The following SNTG1 variants were observed in gnomAD, a reference collection of about 807,000 sequenced individuals.
SNTG1 encodes syntrophin gamma 1, also known as gamma-1-syntrophin.
In SNTG1, 39 loss-of-function variants were observed where a neutral mutation model predicts 74.7. That is an observed-to-expected ratio of 0.52 (90% confidence interval 0.40 to 0.68). The LOEUF (loss-of-function observed/expected upper bound fraction) is 0.68. Ranked by LOEUF, SNTG1 falls within the 30% of genes least tolerant of loss-of-function variation. The probability of loss-of-function intolerance (pLI) is 0.00; values close to 1 mark genes in which losing one functional copy is unlikely to be tolerated. For synonymous variants in SNTG1, 254 were observed against 217.1 expected (o/e 1.17, Z -1.49); for missense variants, 685 against 609.5 (o/e 1.12, Z -1.30).
intron 4 of SNTG1, among the ~76,000 whole-genome samples, chr8:50,422,277 A>ATCTATCTATCTATCTGTCTG (rs759085505): frequency 1.3e-5 from 2 of 151,574 alleles, no homozygotes; most frequent in African/African-American, 4.9e-5. Context: ...TCTACTATCT[A>ATCTATCTATCTATCTGTCTG]TCTATCTATG....
intron 1 of SNTG1, among the ~76,000 whole-genome samples, chr8:49,954,561 C>T (rs1809995513): frequency 6.6e-6 from 1 of 152,102 alleles, no homozygotes. Context: ...CAGTTTCTTT[C>T]AGTCTTTAAT....
At chr8:50,162,862 T>G (rs527703643) in intron 1 of SNTG1, among the ~76,000 whole-genome samples, 1 of 152,224 alleles carries the variant, frequency 6.6e-6, no homozygotes, top group East Asian at 1.9e-4. Flanking sequence ...CAGAGCATGA[T>G]CCTCTTACTG....
At chr8:50,068,685 T>C (rs914568945) in intron 1 of SNTG1, among the ~76,000 whole-genome samples, 2 of 152,130 alleles carry the variant, frequency 1.3e-5, no homozygotes, top group Non-Finnish European at 2.9e-5. Flanking sequence ...AGGATTCTTT[T>C]TCTTTCTTTC....
intron 3 of SNTG1, 145 bp downstream of exon 3, chr8:50,394,410 T>C (rs2092702028): frequency 2.7e-6 from 2 of 734,108 alleles, no homozygotes; most frequent in Admixed American, 3.1e-5. Context: ...GATTACGTTC[T>C]CCTTCTGCAA....
At chr8:50,783,594 A>T (rs980729219) in intron 18 of SNTG1, among the ~76,000 whole-genome samples, 2 of 151,906 alleles carry the variant, frequency 1.3e-5, no homozygotes, top group Non-Finnish European at 2.9e-5. Flanking sequence ...TCCAGGTGCC[A>T]TCTGTCACCC....
intron 2 of SNTG1, among the ~76,000 whole-genome samples, chr8:50,232,276 C>A (rs2132071527): frequency 6.6e-6 from 1 of 151,424 alleles, no homozygotes. Context: ...TTATTCCAGG[C>A]AAGCAGGCTG....
intron 8 of SNTG1, among the ~76,000 whole-genome samples, chr8:50,491,900 C>G (rs1265777465): frequency 1.3e-5 from 2 of 151,128 alleles, no homozygotes; most frequent in South Asian, 4.2e-4. Flanking sequence ...CCCTACCACC[C>G]GCAGGCCCCA....
chr8:50,109,032 G>A (rs1450956519), intron 1 of SNTG1, among the ~76,000 whole-genome samples: 2 of 152,072 alleles, frequency 1.3e-5, no homozygotes, highest in East Asian at 1.9e-4. Flanking sequence ...GAATATAAAG[G>A]GACTCTACTC....
intron 1 of SNTG1, among the ~76,000 whole-genome samples, chr8:50,107,513 A>G (rs1239468180): frequency 6.6e-6 from 1 of 152,092 alleles, no homozygotes; most frequent in East Asian, 1.9e-4. Flanking sequence ...TATCTCAAAC[A>G]TTATTTTAAA....
intron 4 of SNTG1, among the ~76,000 whole-genome samples, chr8:50,431,087 G>A (rs1040759608): frequency 2.0e-5 from 3 of 152,100 alleles, no homozygotes; most frequent in Non-Finnish European, 4.4e-5. Flanking sequence ...ACATACATTC[G>A]TAATGTAGTT....
chr8:50,611,657 C>T (rs1253333274), intron 13 of SNTG1, among the ~76,000 whole-genome samples: 1 of 152,152 alleles, frequency 6.6e-6, no homozygotes, highest in Admixed American at 6.6e-5. Flanking sequence ...TGTGGTGGTA[C>T]ATGCTTATAG....
chr8:50,440,077 C>G (rs76159481), intron 5 of SNTG1, among the ~76,000 whole-genome samples: 2,951 of 151,306 alleles, frequency 0.02, 138 homozygotes, highest in South Asian at 0.12. Context: ...TTATTTCAAT[C>G]CAATCAAAAC....
chr8:50,055,571 C>G (rs1819956029), intron 1 of SNTG1, among the ~76,000 whole-genome samples: 1 of 152,050 alleles, frequency 6.6e-6, no homozygotes, highest in Non-Finnish European at 1.5e-5. Flanking sequence ...ATTAACATCC[C>G]TGAATCTCAA....
chr8:50,325,077 T>G, intron 2 of SNTG1, among the ~76,000 whole-genome samples: 1 of 148,166 alleles, frequency 6.7e-6, no homozygotes, highest in African/African-American at 2.5e-5. Flanking sequence ...ACCAAATATA[T>G]GCATATATAC....
chr8:50,090,298 G>A (rs768447832), intron 1 of SNTG1, among the ~76,000 whole-genome samples: 1 of 152,160 alleles, frequency 6.6e-6, no homozygotes, highest in African/African-American at 2.4e-5. Context: ...AACCGAAGAG[G>A]TAAGGATAGA....
At chr8:50,283,905 T>A (rs1009825849) in intron 2 of SNTG1, among the ~76,000 whole-genome samples, 1 of 152,182 alleles carries the variant, frequency 6.6e-6, no homozygotes, top group Non-Finnish European at 1.5e-5. Flanking sequence ...CTGCACACAG[T>A]ATCGTTTATG....
chr8:50,566,723 T>C (rs912843446), intron 12 of SNTG1, among the ~76,000 whole-genome samples: 9 of 151,994 alleles, frequency 5.9e-5, no homozygotes, highest in Non-Finnish European at 8.8e-5. Context: ...TTTGTTTTGT[T>C]TTGTTTTTCA....
intron 9 of SNTG1, among the ~76,000 whole-genome samples, chr8:50,508,249 C>T (rs1019111827): frequency 2.2e-4 from 33 of 152,178 alleles, no homozygotes; most frequent in African/African-American, 8.0e-4. Flanking sequence ...AAGACATGAA[C>T]TCATCATTTT....
intron 13 of SNTG1, among the ~76,000 whole-genome samples, chr8:50,621,659 C>A (rs1384827): frequency 6.6e-6 from 1 of 152,086 alleles, no homozygotes; most frequent in South Asian, 2.1e-4. Flanking sequence ...AGCCAACAGA[C>A]AACTGCCAAG....
Sources: gnomAD v4.1 joint callset for allele counts (sites outside exome capture counted in the v4.1 genomes callset) on GRCh38, gnomAD v4.1.1 for gene constraint, MANE v1.5 for transcripts, NCBI Gene and HGNC (gene_info 2026-07-23, HGNC 2026-07-21) for gene names.